Variants in ECT2 observed in about 807,000 individuals in gnomAD.
ECT2 encodes protein ECT2.
A neutral mutation model predicts 116.9 loss-of-function variants in ECT2; 61 were observed. The observed-to-expected ratio is 0.52, with a 90% CI of 0.42 to 0.65. The LOEUF (loss-of-function observed/expected upper bound fraction) is 0.65. Among genes scored for constraint, ECT2 ranks in the 30% least tolerant of loss-of-function variants. ECT2 has a pLI of 0.00. For missense variants in ECT2, 937 were observed against 1,078.7 expected, an observed-to-expected ratio of 0.87 and a Z score of 1.84; for synonymous variants, 358 against 346.4, an observed-to-expected ratio of 1.03 and a Z score of -0.37.
chr3:172,785,508 A>G (rs1723453508), intron 17 of ECT2, among the ~76,000 whole-genome samples: 1 of 151,780 alleles, frequency 6.6e-6, no homozygotes, highest in Non-Finnish European at 1.5e-5. Flanking sequence ...CCCTGTCTCT[A>G]AAAATAATTA....
chr3:172,813,994 GTTTTCTGAAT>G (rs1295393055), intron 22 of ECT2, among the ~76,000 whole-genome samples: 1 of 152,010 alleles, frequency 6.6e-6, no homozygotes, highest in Non-Finnish European at 1.5e-5. Flanking sequence ...GGTAATTCGT[GTTTTCTGAAT>G]TTTTCTTAAC....
chr3:172,829,200 G>C, the ECT2 span: 1 of 388,388 alleles, frequency 2.6e-6, no homozygotes. Context: ...TTTAGCCCTT[G>C]GTCTCGGCGC....
intron 18 of ECT2, among the ~76,000 whole-genome samples, chr3:172,787,006 A>G (rs1723716057): frequency 6.6e-6 from 1 of 152,186 alleles, no homozygotes; most frequent in Admixed American, 6.5e-5. Flanking sequence ...GTGGAATTAA[A>G]TTGGCGGGAT....
chr3:172,790,910 T>A (rs1243753805), intron 18 of ECT2, among the ~76,000 whole-genome samples: 1 of 152,214 alleles, frequency 6.6e-6, no homozygotes, highest in Non-Finnish European at 1.5e-5. Flanking sequence ...ATCCCAGCAC[T>A]TTGGGAGGCC....
intron 18 of ECT2, among the ~76,000 whole-genome samples, chr3:172,787,669 T>G (rs1051752574): frequency 3.3e-5 from 5 of 152,202 alleles, no homozygotes; most frequent in African/African-American, 1.2e-4. Context: ...TTTCAACACC[T>G]TATGGTTTAA....
rs1256884965 is a variant in ECT2, at chr3:172,820,604, A to G, written c.*367A>G. The G allele has an allele frequency of 2.5e-5, 4 of 157,168 alleles. No individual in the cohort carries two copies. The Admixed American group carries it at 2.6e-4, about 10-fold the overall frequency. 9.7% of individuals were successfully genotyped at this position (157,168 alleles called of 1,614,324 possible). ...TGAATCTATTTGTATAGTATCCATG[A>G]ATGAATTTATGGAAATAGATATTTG... On this transcript the variant is annotated 3_prime_UTR_variant, in exon 25 of 25. Coordinates refer to ENST00000392692, the MANE Select transcript of ECT2 (RefSeq NM_001258315.2).
intron 14 of ECT2, among the ~76,000 whole-genome samples, chr3:172,778,135 A>G (rs1400310921): frequency 6.6e-6 from 1 of 152,150 alleles, no homozygotes; most frequent in Non-Finnish European, 1.5e-5. Flanking sequence ...ACAAGGAAGA[A>G]AAGAAGTAAG....
intron 18 of ECT2, 69 bp from the exon 19 acceptor site, chr3:172,802,547 T>C: frequency 1.1e-6 from 1 of 945,030 alleles, no homozygotes; most frequent in Non-Finnish European, 1.6e-6. Flanking sequence ...ACACAACTTG[T>C]GACATGAGTT....
intron 14 of ECT2, among the ~76,000 whole-genome samples, chr3:172,778,588 CTTTT>C (rs5854485): frequency 2.7e-3 from 163 of 59,774 alleles, no homozygotes; most frequent in African/African-American, 9.2e-3. Flanking sequence ...TATTAGCTAT[CTTTT>C]TTTTTTTTTT....
chr3:172,797,254 C>T (rs1725866635), intron 18 of ECT2, among the ~76,000 whole-genome samples: 1 of 151,286 alleles, frequency 6.6e-6, no homozygotes, highest in Non-Finnish European at 1.5e-5. Flanking sequence ...AAGCTGGTCT[C>T]AAACTCCAGG....
intron 8 of ECT2, 112 bp from the exon 9 acceptor site, chr3:172,762,304 C>A: frequency 1.8e-6 from 2 of 1,130,770 alleles, no homozygotes; most frequent in Non-Finnish European, 2.5e-6. Context: ...TAAATAGTTT[C>A]AATAGATAGA....
intron 18 of ECT2, among the ~76,000 whole-genome samples, chr3:172,801,587 A>G (rs1726731650): frequency 6.6e-6 from 1 of 152,204 alleles, no homozygotes; most frequent in Admixed American, 6.5e-5. Flanking sequence ...TTCTCTCTGT[A>G]CAGCTGTTTT....
At chr3:172,820,093 T>C in intron 24 of ECT2, 55 bp from the exon 25 acceptor site, 2 of 1,402,110 alleles carry the variant, frequency 1.4e-6, no homozygotes, top group Non-Finnish European at 2.0e-6. Context: ...AACTGTATTT[T>C]ACAATTTTTT....
At position 172,759,717 on chromosome 3, in the gene ECT2, T is replaced by C. The variant is rs551312958; in HGVS notation, c.577-439T>C. 2.6e-4 allele frequency among the ~76,000 whole-genome samples: 39 copies of C among 152,314 alleles called. 1 individual carries two copies. The South Asian group carries it at 7.5e-3, about 29-fold the overall frequency. ...CCTCGGCCTCCCAAAGTGCTGGGATTACATGCGTGAGCCACCGCGCCCGGC... is the reference window on the plus strand; with the variant it reads ...CCTCGGCCTCCCAAAGTGCTGGGATCACATGCGTGAGCCACCGCGCCCGGC... On this transcript the variant is annotated intron_variant, in intron 6 of 24. Coordinates refer to ENST00000392692, the MANE Select transcript of ECT2 (RefSeq NM_001258315.2).
intron 18 of ECT2, 46 bp from the exon 19 acceptor site, chr3:172,802,570 G>T (rs1726916890): frequency 8.2e-7 from 1 of 1,214,904 alleles, no homozygotes; most frequent in Non-Finnish European, 1.2e-6. Context: ...GTTTGTTGTA[G>T]TTTTCATGTT....
chr3:172,828,230 C>T, the ECT2 span, among the ~76,000 whole-genome samples: 1 of 152,146 alleles, frequency 6.6e-6, no homozygotes, highest in African/African-American at 2.4e-5. Flanking sequence ...TTAAAGAAGA[C>T]CTTAATTGAT....
At chr3:172,758,917 G>C in intron 5 of ECT2, 63 bp from the exon 6 acceptor site, 1 of 1,336,250 alleles carries the variant, frequency 7.5e-7, no homozygotes, top group Non-Finnish European at 1.0e-6. Flanking sequence ...TTTAGCTTGA[G>C]AAAGTTGTGT....
intron 13 of ECT2, among the ~76,000 whole-genome samples, chr3:172,772,092 C>T (rs1720767651): frequency 6.6e-6 from 1 of 152,134 alleles, no homozygotes; most frequent in Non-Finnish European, 1.5e-5. Flanking sequence ...CCTCTGCCTT[C>T]TGGGTTCAAG....
chr3:172,778,588 CTTTTTTTTTTTT>C (rs5854485), intron 14 of ECT2, among the ~76,000 whole-genome samples: 2 of 59,778 alleles, frequency 3.3e-5, no homozygotes, highest in Non-Finnish European at 6.2e-5. Context: ...TATTAGCTAT[CTTTTTTTTTTTT>C]TTTTTTTTTT....
Sources: gnomAD v4.1 joint callset for allele counts (sites outside exome capture counted in the v4.1 genomes callset) on GRCh38, gnomAD v4.1.1 for gene constraint, MANE v1.5 for transcripts, NCBI Gene and HGNC (gene_info 2026-07-23, HGNC 2026-07-21) for gene names.